The following RYR3 variants were observed in gnomAD, a reference collection of about 807,000 sequenced individuals.
RYR3 encodes the protein brain ryanodine receptor-calcium release channel.
RYR3 carries 207 observed loss-of-function variants against 584.3 expected under a neutral mutation model. The ratio of observed to expected loss-of-function variants is 0.35; its 90% CI spans 0.32 to 0.40. RYR3 has a LOEUF of 0.40. RYR3 is among the 10% of genes least tolerant of loss of function. RYR3 has a pLI of 1.00. For synonymous variants in RYR3, 2,416 were observed against 2,248.5 expected (o/e 1.07, Z -2.11); for missense variants, 5,616 against 6,089.2 (o/e 0.92, Z 2.59).
At chr15:33,737,371 A>G (rs1378578007) in intron 49 of RYR3, among the ~76,000 whole-genome samples, 3 of 152,152 alleles carry the variant, frequency 2.0e-5, no homozygotes, top group Non-Finnish European at 2.9e-5. Context: ...CATCCACCCA[A>G]GCAGACAGTG....
chr15:33,442,603 A>G (rs2046321547), intron 1 of RYR3, among the ~76,000 whole-genome samples: 1 of 152,218 alleles, frequency 6.6e-6, no homozygotes, highest in Admixed American at 6.5e-5. Flanking sequence ...AAAACCACAG[A>G]TTATAGCCGC....
chr15:33,540,947 A>G, intron 7 of RYR3, 57 bp downstream of exon 7: 1 of 1,124,386 alleles, frequency 8.9e-7, no homozygotes. Context: ...TGAGCTGTAT[A>G]CATTGACATT....
chr15:33,862,325 C>G (rs1351038554), intron 102 of RYR3, among the ~76,000 whole-genome samples: 1 of 152,050 alleles, frequency 6.6e-6, no homozygotes, highest in Non-Finnish European at 1.5e-5. Flanking sequence ...ACATCCGCCT[C>G]AGCCTCCTGA....
At chr15:33,823,238 A>T (rs1017585357) in intron 81 of RYR3, among the ~76,000 whole-genome samples, 166 bp downstream of exon 81, 5 of 152,188 alleles carry the variant, frequency 3.3e-5, no homozygotes, top group South Asian at 2.1e-4. Context: ...AGCCTTCAGG[A>T]TGACAATTCA....
At chr15:33,810,231 G>A (rs888693282) in intron 70 of RYR3, among the ~76,000 whole-genome samples, 4 of 152,202 alleles carry the variant, frequency 2.6e-5, no homozygotes, top group Non-Finnish European at 4.4e-5. Flanking sequence ...AATAGGCGTC[G>A]GTGATGTGTG....
At chr15:33,322,140 C>A (rs1969050364) in intron 1 of RYR3, among the ~76,000 whole-genome samples, 1 of 152,208 alleles carries the variant, frequency 6.6e-6, no homozygotes, top group Non-Finnish European at 1.5e-5. Flanking sequence ...CATCTGATTA[C>A]ATTTTATGTT....
chr15:33,399,881 T>C (rs1161249446), intron 1 of RYR3, among the ~76,000 whole-genome samples: 1 of 152,160 alleles, frequency 6.6e-6, no homozygotes, highest in Non-Finnish European at 1.5e-5. Flanking sequence ...TCTTCCTTTT[T>C]AATAACTTCT....
At chr15:33,524,548 GAA>G (rs1279847191) in intron 3 of RYR3, among the ~76,000 whole-genome samples, 1 of 152,162 alleles carries the variant, frequency 6.6e-6, no homozygotes, top group Non-Finnish European at 1.5e-5. Flanking sequence ...AATCACTACA[GAA>G]AAGGTTATGG....
chr15:33,856,790 G>C (rs6495290), intron 98 of RYR3: 133,676 of 152,436 alleles, frequency 0.88, 58,963 homozygotes, highest in Non-Finnish European at 0.92. Flanking sequence ...TCCCAAGTAG[G>C]TGGGATTACA....
chr15:33,351,427 G>C (rs559729348), intron 1 of RYR3, among the ~76,000 whole-genome samples: 278 of 151,980 alleles, frequency 1.8e-3, no homozygotes, highest in African/African-American at 6.5e-3. Context: ...GCATCATCCT[G>C]ATACCAAAGC....
At chr15:33,781,017 A>G (rs927546246) in intron 65 of RYR3, among the ~76,000 whole-genome samples, 4 of 152,214 alleles carry the variant, frequency 2.6e-5, no homozygotes, top group Admixed American at 6.5e-5. Context: ...CGACAATGGC[A>G]GAGTTGAGTA....
intron 4 of RYR3, among the ~76,000 whole-genome samples, chr15:33,532,928 G>A (rs1350327162): frequency 2.0e-5 from 3 of 152,094 alleles, no homozygotes; most frequent in Non-Finnish European, 4.4e-5. Flanking sequence ...ACCAGCCTGG[G>A]AAACATAGAT....
At chr15:33,857,183 AAAC>A (rs377276821) in intron 98 of RYR3, among the ~76,000 whole-genome samples, 63 of 152,216 alleles carry the variant, frequency 4.1e-4, no homozygotes, top group African/African-American at 1.3e-3. Context: ...CTATTTTGTT[AAAC>A]AACAGAAATG....
chr15:33,513,825 G>A (rs1037456445), intron 3 of RYR3, among the ~76,000 whole-genome samples: 8 of 152,250 alleles, frequency 5.3e-5, no homozygotes, highest in African/African-American at 1.9e-4. Flanking sequence ...GCTCCTAAAC[G>A]TCTATCCCAG....
At chr15:33,864,792 G>A (rs939645644) in intron 103 of RYR3, 4 of 232,728 alleles carry the variant, frequency 1.7e-5, no homozygotes, top group East Asian at 9.3e-5. Context: ...TGCAATAAAC[G>A]TTCCCTCAAG....
At chr15:33,795,384 T>C (rs1379840410) in intron 67 of RYR3, among the ~76,000 whole-genome samples, 4 of 69,470 alleles carry the variant, frequency 5.8e-5, no homozygotes, top group African/African-American at 1.3e-4. Flanking sequence ...TCTTTTCTTT[T>C]TTTTTTTTTT....
chr15:33,758,712 G>A (rs905186934), intron 60 of RYR3, among the ~76,000 whole-genome samples: 5 of 152,288 alleles, frequency 3.3e-5, no homozygotes, highest in East Asian at 1.9e-4. Flanking sequence ...GGCTGTGGGC[G>A]CAGCTTTAGC....
At chr15:33,489,205 T>A (rs2050756465) in intron 2 of RYR3, among the ~76,000 whole-genome samples, 2 of 152,202 alleles carry the variant, frequency 1.3e-5, no homozygotes, top group East Asian at 3.8e-4. Flanking sequence ...AGCTTTATGT[T>A]CCTTATTTTT....
chr15:33,660,622 T>C (rs2063107046), intron 34 of RYR3, among the ~76,000 whole-genome samples, 199 bp downstream of exon 34: 1 of 152,222 alleles, frequency 6.6e-6, no homozygotes, highest in African/African-American at 2.4e-5. Context: ...AGGAGGTGCC[T>C]GCCACAGGGC....
Sources: gnomAD v4.1 joint callset for allele counts (sites outside exome capture counted in the v4.1 genomes callset) on GRCh38, gnomAD v4.1.1 for gene constraint, MANE v1.5 for transcripts, NCBI Gene and HGNC (gene_info 2026-07-23, HGNC 2026-07-21) for gene names.